IL1RAP: variants seen among roughly 807,000 people sequenced by gnomAD.
IL1RAP encodes the protein interleukin 1 receptor accessory protein, also known as interleukin-1 receptor accessory protein.
Under a neutral mutation model 60.7 loss-of-function variants are expected in IL1RAP, and 35 were observed. The observed-to-expected ratio is 0.58, with a 90% CI of 0.44 to 0.76. The LOEUF is 0.76. Among genes scored for constraint, IL1RAP ranks in the 30% least tolerant of loss-of-function variants. IL1RAP has a pLI of 0.00. For synonymous variants in IL1RAP, 268 were observed against 250.9 expected (o/e 1.07, Z -0.64); for missense variants, 572 against 693.9 (o/e 0.82, Z 1.97).
chr3:190,597,250 G>A (rs1450224294), intron 3 of IL1RAP, among the ~76,000 whole-genome samples: 1 of 152,110 alleles, frequency 6.6e-6, no homozygotes, highest in East Asian at 1.9e-4. Context: ...TAGTATGTAA[G>A]GAACAAATGC....
chr3:190,646,007 A>G (rs765328901), intron 11 of IL1RAP, among the ~76,000 whole-genome samples, 165 bp downstream of exon 11: 1 of 152,224 alleles, frequency 6.6e-6, no homozygotes, highest in Non-Finnish European at 1.5e-5. Context: ...TTGGAAATGT[A>G]TACTATTCAA....
rs1244306290 is a variant in IL1RAP, at chr3:190,620,544, G to A, written c.703+104G>A. 2.8e-6 allele frequency: 3 copies of A among 1,052,854 alleles called. No homozygotes were observed. The Admixed American group carries it at 7.8e-5, about 28-fold the overall frequency. 65.2% of individuals were successfully genotyped at this position (1,052,854 alleles called of 1,614,324 possible). A position where few individuals can be genotyped will look rare whatever the true frequency, so the allele number is the denominator to read the frequency against. ...AGTATGTAAATTGTATAAGAAAAGT[G>A]ATTCATGTTTTTTGTTTACAGTACT... On this transcript the variant is annotated intron_variant, in intron 6 of 11. Transcript: ENST00000447382.
At chr3:190,578,711 A>ATTTAT (rs1170948153) in intron 3 of IL1RAP, among the ~76,000 whole-genome samples, 1 of 152,246 alleles carries the variant, frequency 6.6e-6, no homozygotes, top group African/African-American at 2.4e-5. Flanking sequence ...TTTATAAAGC[A>ATTTAT]AGAGAGGTTT....
At chr3:190,563,340 A>C (rs1295993935) in intron 2 of IL1RAP, 1 of 152,212 alleles carries the variant, frequency 6.6e-6, no homozygotes, top group African/African-American at 2.4e-5. Flanking sequence ...AAGCATTCTT[A>C]TATGGCTGTT....
intron 9 of IL1RAP, among the ~76,000 whole-genome samples, chr3:190,641,149 G>A (rs1282839157): frequency 6.6e-6 from 1 of 152,100 alleles, no homozygotes; most frequent in East Asian, 1.9e-4. Flanking sequence ...ATTTTTAGTT[G>A]AGACAGGGTT....
chr3:190,644,833 A>G (rs918366582), intron 10 of IL1RAP, among the ~76,000 whole-genome samples: 15 of 152,230 alleles, frequency 9.9e-5, no homozygotes, highest in African/African-American at 3.4e-4. Flanking sequence ...ATTCTACTTT[A>G]TCCTTATAGC....
intron 4 of IL1RAP, 41 bp from the exon 5 acceptor site, chr3:190,608,954 A>G (rs199884851): frequency 2.2e-5 from 33 of 1,514,820 alleles, no homozygotes; most frequent in Middle Eastern, 1.7e-4. Context: ...TATGAAATCA[A>G]ATGCAAATAC....
Position 190,604,372 on chromosome 3 carries a change from C to A in IL1RAP, c.309C>A (p.Pro103=). 1 of 1,613,704 alleles carries A rather than the reference C, an allele frequency of 6.2e-7. No homozygotes were observed. The highest frequency in any genetic ancestry group is 2.2e-5 in the East Asian group (1 of 44,842). The change falls in exon 4 of 12, where the codon CCC becomes CCA. Residue 103 remains proline (P), a synonymous_variant. Transcript: ENST00000447382. The part of the protein sequence containing the change: ...SKEKDVLWFR[P]TLLNDTGNYT... The stretch of plus-strand genomic sequence containing the variant: ...AGAAAGATGTGCTGTGGTTCCGGCC[C>A]ACTCTCCTCAATGACACTGGCAACT...
intron 1 of IL1RAP, among the ~76,000 whole-genome samples, chr3:190,554,461 C>G (rs79288207): frequency 0.12 from 18,740 of 152,036 alleles, 1,223 homozygotes; most frequent in Middle Eastern, 0.2. Context: ...CTCCTGGGGA[C>G]CCTTTATATT....
At chr3:190,594,556 A>G (rs552478959) in intron 3 of IL1RAP, among the ~76,000 whole-genome samples, 2 of 152,340 alleles carry the variant, frequency 1.3e-5, no homozygotes, top group African/African-American at 4.8e-5. Context: ...CTACCATATG[A>G]CAAATTTCAA....
At chr3:190,546,290 C>T (rs1724366974) in intron 1 of IL1RAP, among the ~76,000 whole-genome samples, 1 of 152,124 alleles carries the variant, frequency 6.6e-6, no homozygotes, top group Non-Finnish European at 1.5e-5. Flanking sequence ...AGGCTTTCTC[C>T]CTTATGCGTG....
intron 3 of IL1RAP, among the ~76,000 whole-genome samples, chr3:190,591,752 A>C (rs1370089714): frequency 6.6e-6 from 1 of 152,220 alleles, no homozygotes; most frequent in Non-Finnish European, 1.5e-5. Flanking sequence ...ATTATATTAA[A>C]ATAATCATTG....
intron 3 of IL1RAP, among the ~76,000 whole-genome samples, chr3:190,565,290 C>A (rs1726286311): frequency 1.3e-5 from 2 of 152,022 alleles, no homozygotes; most frequent in South Asian, 4.1e-4. Flanking sequence ...TGTAAAATTC[C>A]CCTGAACACC....
intron 7 of IL1RAP, among the ~76,000 whole-genome samples, chr3:190,626,664 C>CTTTTT (rs766018376): frequency 6.0e-5 from 6 of 99,992 alleles, no homozygotes; most frequent in African/African-American, 1.3e-4. Context: ...TGTCAGAGAC[C>CTTTTT]TTTTTTTTTT....
Position 190,629,457 on chromosome 3 carries a change from C to A in IL1RAP, c.1010C>A (p.Ala337Asp). 1.9e-6 allele frequency: 3 copies of A among 1,613,320 alleles called. No individual in the cohort carries two copies. Among genetic ancestry groups the A allele is most frequent in the Non-Finnish European group, 2.5e-6 (3 of 1,179,658 alleles). The change falls in exon 9 of 12, where the codon GCC (alanine) becomes GAC (aspartate). Residue 337 changes from alanine to aspartate, a missense_variant. Transcript: ENST00000447382. ...KRSYVCHARS[A>D]KGEVAKAAKV... The stretch of plus-strand genomic sequence containing the variant: ...AGCTATGTCTGTCATGCTAGAAGTG[C>A]CAAAGGCGAAGTTGCCAAAGCAGCC...
chr3:190,617,708 A>G (rs1459658461), intron 5 of IL1RAP, among the ~76,000 whole-genome samples: 1 of 152,134 alleles, frequency 6.6e-6, no homozygotes, highest in Admixed American at 6.5e-5. Context: ...TTTTATTTTT[A>G]TCAACAGTTT....
At position 190,604,418 on chromosome 3, in the gene IL1RAP, C is replaced by T; in HGVS notation, c.350+5C>T. On this transcript the variant is annotated splice_donor_5th_base_variant and intron_variant, in intron 4 of 11. Transcript: ENST00000447382. ...CAACTATACCTGCATGTTAAGGTAGCCTGATTCTTGGCAGTGGCTTTCTCT... is the reference window on the plus strand; with the variant it reads ...CAACTATACCTGCATGTTAAGGTAGTCTGATTCTTGGCAGTGGCTTTCTCT... 6.2e-7 allele frequency: 1 copy of T among 1,610,626 alleles called. No homozygotes were observed. Among genetic ancestry groups the T allele is most frequent in the Non-Finnish European group, 8.5e-7 (1 of 1,178,818 alleles).
chr3:190,587,326 T>G lies in IL1RAP; in HGVS notation c.65-16802T>G, dbSNP rs76288774. ...TGCTTCATGCTCGTCATTTGTTAAA[T>G]GAGGGCCATAATAAAGCTATCTGAA... On this transcript the variant is annotated intron_variant, in intron 3 of 11. Coordinates refer to ENST00000447382, the MANE Select transcript of IL1RAP (RefSeq NM_002182.4). Among the ~76,000 whole-genome samples, 1,509 of 152,298 alleles carry G rather than the reference T, an allele frequency of 9.9e-3. 16 individuals carry two copies. Among genetic ancestry groups the G allele is most frequent in the African/African-American group, 0.035 (1,449 of 41,540 alleles).
At chr3:190,549,984 C>T (rs1363731366) in intron 1 of IL1RAP, among the ~76,000 whole-genome samples, 1 of 152,138 alleles carries the variant, frequency 6.6e-6, no homozygotes, top group Non-Finnish European at 1.5e-5. Context: ...TAGCAAATAC[C>T]TGGGGTGCGT....
Sources: gnomAD v4.1 joint callset for allele counts (sites outside exome capture counted in the v4.1 genomes callset) on GRCh38, gnomAD v4.1.1 for gene constraint, MANE v1.5 for transcripts, NCBI Gene and HGNC (gene_info 2026-07-23, HGNC 2026-07-21) for gene names.